Variants in SLCO3A1 observed in about 807,000 individuals in gnomAD.
The protein encoded by SLCO3A1 is solute carrier organic anion transporter family member 3A1.
A neutral mutation model predicts 63.1 loss-of-function variants in SLCO3A1; 27 were observed. That is an observed-to-expected ratio of 0.43 (90% CI 0.32 to 0.59). The LOEUF (loss-of-function observed/expected upper bound fraction) is 0.59, where lower values mean the gene tolerates loss of function less well. Ranked by LOEUF, SLCO3A1 falls within the 20% of genes least tolerant of loss-of-function variation. SLCO3A1 has a pLI of 0.09. For synonymous variants in SLCO3A1, 473 were observed against 409.9 expected (o/e 1.15, Z -1.86); for missense variants, 773 against 945.8 (o/e 0.82, Z 2.40).
At chr15:91,971,245 A>G (rs1331953571) in intron 2 of SLCO3A1, among the ~76,000 whole-genome samples, 1 of 151,734 alleles carries the variant, frequency 6.6e-6, no homozygotes, top group African/African-American at 2.4e-5. Flanking sequence ...AATACAAAAA[A>G]TTAGCCGAGC....
chr15:92,104,738 A>C (rs994239760), intron 4 of SLCO3A1, among the ~76,000 whole-genome samples, 196 bp downstream of exon 4: 6 of 152,170 alleles, frequency 3.9e-5, no homozygotes, highest in African/African-American at 1.4e-4. Context: ...CTTGCTTAAT[A>C]AAAACAAAAA....
At chr15:92,015,857 A>C (rs1291175635) in intron 2 of SLCO3A1, among the ~76,000 whole-genome samples, 1 of 152,192 alleles carries the variant, frequency 6.6e-6, no homozygotes, top group East Asian at 1.9e-4. Context: ...AACAGGGGCC[A>C]AGAAGAACTG....
rs971264550 is a variant in SLCO3A1, at chr15:91,865,999, A to G, written c.180+11911A>G. 6.6e-6 allele frequency among the ~76,000 whole-genome samples: 1 copy of G among 152,188 alleles called. No homozygotes were observed. The highest frequency in any genetic ancestry group is 2.4e-5 in the African/African-American group (1 of 41,432). On this transcript the variant is annotated intron_variant, in intron 1 of 9. Transcript: ENST00000318445. This position sits in a 1 kb window ranked among gnomAD's most constrained non-coding sequence, Gnocchi z 4.6. ...TTCGTAAGAGAGTCGTTCATACCCA[A>G]AGATATCATTTCAATCTTCACAGAA...
At chr15:92,134,838 A>C (rs540424661) in intron 7 of SLCO3A1, among the ~76,000 whole-genome samples, 11 of 152,280 alleles carry the variant, frequency 7.2e-5, no homozygotes, top group Non-Finnish European at 1.5e-4. Flanking sequence ...CAAATCAGTG[A>C]ACTTGCAGTA....
At chr15:91,953,018 C>A (rs1377466074) in intron 2 of SLCO3A1, among the ~76,000 whole-genome samples, 3 of 152,042 alleles carry the variant, frequency 2.0e-5, no homozygotes, top group Non-Finnish European at 4.4e-5. Flanking sequence ...TCAAAGAATC[C>A]CAAGAAGTAG....
At chr15:91,901,445 A>T (rs558077553) in intron 1 of SLCO3A1, among the ~76,000 whole-genome samples, 17 of 152,296 alleles carry the variant, frequency 1.1e-4, no homozygotes, top group African/African-American at 3.8e-4. Flanking sequence ...TTCTTTATTA[A>T]TGTATATCTT....
chr15:92,059,200 G>A (rs956850178), intron 2 of SLCO3A1, among the ~76,000 whole-genome samples: 1 of 152,148 alleles, frequency 6.6e-6, no homozygotes, highest in Non-Finnish European at 1.5e-5. Context: ...TCCCTAGGGG[G>A]GTGTTTCCTG....
chr15:91,871,745 G>A (rs2151334329), intron 1 of SLCO3A1, among the ~76,000 whole-genome samples: 1 of 113,034 alleles, frequency 8.8e-6, no homozygotes, highest in African/African-American at 3.6e-5. Flanking sequence ...ACTGGGGTGT[G>A]CTCATTTTGT....
At chr15:91,868,937 A>G (rs577969816) in intron 1 of SLCO3A1, among the ~76,000 whole-genome samples, 7 of 152,180 alleles carry the variant, frequency 4.6e-5, no homozygotes, top group Non-Finnish European at 8.8e-5. Context: ...AAATGACCTT[A>G]TTGTTTTTAT....
intron 2 of SLCO3A1, among the ~76,000 whole-genome samples, chr15:92,067,784 A>ACCATAAAC (rs138844996): frequency 0.033 from 4,980 of 152,096 alleles, 182 homozygotes; most frequent in African/African-American, 0.092. Context: ...GTAACAGAAT[A>ACCATAAAC]CCATAAACTG....
intron 2 of SLCO3A1, among the ~76,000 whole-genome samples, chr15:91,957,034 A>C (rs7163235): frequency 0.031 from 40 of 1,308 alleles, 2 homozygotes; most frequent in Non-Finnish European, 0.039. Flanking sequence ...ATAATATATA[A>C]TATATAGTAT....
intron 2 of SLCO3A1, among the ~76,000 whole-genome samples, chr15:91,952,934 T>G (rs1177327667): frequency 6.6e-6 from 1 of 152,138 alleles, no homozygotes; most frequent in Non-Finnish European, 1.5e-5. Context: ...ACCTTCACCT[T>G]GGTTGAGGAA....
At chr15:92,018,122 A>T (rs1370496206) in intron 2 of SLCO3A1, among the ~76,000 whole-genome samples, 1 of 152,184 alleles carries the variant, frequency 6.6e-6, no homozygotes, top group Non-Finnish European at 1.5e-5. Context: ...ACTGAGATGG[A>T]TGGGCTGAAG....
chr15:91,930,669 A>G (rs1222272039), intron 2 of SLCO3A1, among the ~76,000 whole-genome samples: 1 of 152,252 alleles, frequency 6.6e-6, no homozygotes, highest in Non-Finnish European at 1.5e-5. Flanking sequence ...TGCTGGGGAT[A>G]CATGGATGAA....
chr15:91,934,311 T>C (rs1262108880), intron 2 of SLCO3A1, among the ~76,000 whole-genome samples: 1 of 152,166 alleles, frequency 6.6e-6, no homozygotes, highest in African/African-American at 2.4e-5. Flanking sequence ...ACCTTTCCTC[T>C]TTCTTCAAGG....
chr15:92,034,123 AC>A (rs1432691402), intron 2 of SLCO3A1, among the ~76,000 whole-genome samples: 6 of 151,576 alleles, frequency 4.0e-5, no homozygotes, highest in Admixed American at 3.9e-4. Flanking sequence ...TGGAGAGTGG[AC>A]TGTGGAGGAG....
rs1245291792 is a variant in SLCO3A1, at chr15:91,882,014, A to G, written c.180+27926A>G. On this transcript the variant is annotated intron_variant, in intron 1 of 9. Transcript: ENST00000318445. The surrounding 1 kb of genome is among the most constrained non-coding windows in gnomAD (Gnocchi z 4.4). Reference sequence around the variant, plus strand: ...GTGCCTTCAAGTACAAATGCTTTTCATTGGAGAGTTTGGTTCTAAAGCAGC... The same window carrying G: ...GTGCCTTCAAGTACAAATGCTTTTCGTTGGAGAGTTTGGTTCTAAAGCAGC... Among the ~76,000 whole-genome samples the G allele has an allele frequency of 6.6e-6, 1 of 152,166 alleles. No homozygotes were observed. The highest frequency in any genetic ancestry group is 2.1e-4 in the South Asian group (1 of 4,824).
In SLCO3A1 at chr15:92,160,760, C is replaced by T. The variant is rs1010071082; in HGVS notation, c.1754-1996C>T. On this transcript the variant is annotated intron_variant, in intron 9 of 9. Coordinates refer to ENST00000318445, the MANE Select transcript of SLCO3A1 (RefSeq NM_013272.4). ...TAGCACTCATAGGGTAGCAAAGCCC[C>T]GCTCTCACCCGATTCCAGGCATGTC... 6.5e-4 allele frequency among the ~76,000 whole-genome samples: 99 copies of T among 152,130 alleles called. 1 individual carries two copies. Among genetic ancestry groups the T allele is most frequent in the African/African-American group, 2.4e-3 (98 of 41,482 alleles).
chr15:92,134,844 C>T (rs2048036916), intron 7 of SLCO3A1, among the ~76,000 whole-genome samples: 1 of 151,764 alleles, frequency 6.6e-6, no homozygotes, highest in South Asian at 2.1e-4. Flanking sequence ...AGTGAACTTG[C>T]AGTATCAGGC....
Sources: allele counts gnomAD v4.1 joint callset (sites outside exome capture counted in the v4.1 genomes callset), GRCh38; gene constraint gnomAD v4.1.1; non-coding constraint Gnocchi (gnomAD v3.1); transcripts MANE v1.5; gene names NCBI Gene and HGNC (gene_info 2026-07-23, HGNC 2026-07-21).